CPXM2: variants seen among roughly 807,000 people sequenced by gnomAD.
CPXM2 encodes the protein carboxypeptidase X, M14 family member 2, also known as inactive carboxypeptidase-like protein X2.
CPXM2 carries 66 observed loss-of-function variants against 86.1 expected under a neutral mutation model. The ratio of observed to expected loss-of-function variants is 0.77; its 90% CI spans 0.63 to 0.94. The LOEUF (loss-of-function observed/expected upper bound fraction) is 0.94, where lower values mean the gene tolerates loss of function less well. Ranked by LOEUF, CPXM2 falls within the 40% of genes least tolerant of loss-of-function variation. The pLI, the probability that CPXM2 is intolerant of heterozygous loss-of-function variation, is 0.00. For missense variants in CPXM2, 948 were observed against 1,026.3 expected (o/e 0.92, Z 1.04); for synonymous variants, 388 against 400.2 (o/e 0.97, Z 0.36).
Position 123,757,063 on chromosome 10 carries a change from G to A in CPXM2, c.1917+150C>T, listed in dbSNP as rs1019163671. On this transcript the variant is annotated intron_variant, in intron 12 of 13. Coordinates refer to ENST00000241305, the MANE Select transcript of CPXM2 (RefSeq NM_198148.3). ...TCTCTTCCCTGAGGCCTGCTCAAGT[G>A]TCAACACACAGTGGCTCCTCGCAGC... is the stretch of plus-strand genomic sequence containing the variant. 8.5e-6 allele frequency: 6 copies of A among 701,900 alleles called. No homozygotes were observed. The East Asian group carries it at 1.3e-4, about 15-fold the overall frequency. 43.5% of individuals were successfully genotyped at this position (701,900 alleles called of 1,614,324 possible).
chr10:123,862,716 T>G lies in CPXM2; in HGVS notation c.411A>C (p.Pro137=), dbSNP rs1421664507. ...TTTTTAAGGTTTCCAGACCAAGAGG[T>G]GGGCAACCTGGAAAGGACAAATGCT... ...VAREDVRESC[P]PLGLETLKIT... is the part of the protein sequence containing the mutation. The change falls in exon 3 of 14, where the codon CCA becomes CCC. Residue 137 remains proline, a synonymous_variant. Coordinates refer to ENST00000241305, the MANE Select transcript of CPXM2 (RefSeq NM_198148.3). 6.4e-7 allele frequency: 1 copy of G among 1,554,682 alleles called. No individual in the cohort carries two copies. Among genetic ancestry groups the G allele is most frequent in the South Asian group, 1.1e-5 (1 of 89,356 alleles).
At chr10:123,792,058 C>G (rs1158532475) in intron 6 of CPXM2, among the ~76,000 whole-genome samples, 1 of 152,190 alleles carries the variant, frequency 6.6e-6, no homozygotes, top group Non-Finnish European at 1.5e-5. Context: ...CTTTGGCATT[C>G]TTGTTGTTGG....
intron 6 of CPXM2, among the ~76,000 whole-genome samples, chr10:123,792,362 A>G: frequency 6.6e-6 from 1 of 152,202 alleles, no homozygotes; most frequent in East Asian, 1.9e-4. Context: ...ACTTACAATC[A>G]AAACAAGAGC....
At chr10:123,884,562 C>T (rs753772857) in intron 1 of CPXM2, among the ~76,000 whole-genome samples, 6 of 152,174 alleles carry the variant, frequency 3.9e-5, no homozygotes, top group Non-Finnish European at 7.3e-5. Flanking sequence ...TGGACTGATG[C>T]GCTGGCTTCT....
At chr10:123,874,666 G>T (rs958012687) in intron 2 of CPXM2, among the ~76,000 whole-genome samples, 1 of 152,170 alleles carries the variant, frequency 6.6e-6, no homozygotes, top group African/African-American at 2.4e-5. Context: ...AATAAAGAGG[G>T]TTTTATCACA....
At position 123,745,949 on chromosome 10, in the gene CPXM2, C is replaced by T. The variant is rs537925373; in HGVS notation, c.*815G>A. ...ACCCCACTTCTGGCTCTTTCCAGTC[C>T]TAGCAGGTAAAAGAGGAGATCCAGG... On this transcript the variant is annotated 3_prime_UTR_variant, in exon 14 of 14. Coordinates refer to ENST00000241305, the MANE Select transcript of CPXM2 (RefSeq NM_198148.3). 6.6e-6 allele frequency: 1 copy of T among 152,160 alleles called. No homozygotes were observed. The highest frequency in any genetic ancestry group is 2.4e-5 in the African/African-American group (1 of 41,518). The allele number at this position is 152,160 out of a possible 1,614,324, so 9.4% of individuals were successfully genotyped here. A position where few individuals can be genotyped will look rare whatever the true frequency, so the allele number is the denominator to read the frequency against.
intron 4 of CPXM2, among the ~76,000 whole-genome samples, chr10:123,804,908 G>T (rs1285955327): frequency 6.6e-6 from 1 of 152,054 alleles, no homozygotes; most frequent in Admixed American, 6.5e-5. Flanking sequence ...GAGTCTGGAT[G>T]TTTGATGCTG....
At chr10:123,905,998 C>T (rs1945435756) in intron 2 of CPXM2, among the ~76,000 whole-genome samples, 1 of 152,226 alleles carries the variant, frequency 6.6e-6, no homozygotes, top group Non-Finnish European at 1.5e-5. Flanking sequence ...GTCCACTCTT[C>T]CTTCGGCCAG....
At chr10:123,880,145 T>TGGGGCCCCCCCCCCCCCCCCCCC in intron 2 of CPXM2, 66 bp downstream of exon 2, 2 of 407,578 alleles carry the variant, frequency 4.9e-6, no homozygotes, top group Non-Finnish European at 4.8e-6. Flanking sequence ...CAGGGGCCTG[T>TGGGGCCCCCCCCCCCCCCCCCCC]ACCCACCCAC....
intron 4 of CPXM2, among the ~76,000 whole-genome samples, chr10:123,806,016 T>C (rs1847571231): frequency 6.6e-6 from 1 of 152,240 alleles, no homozygotes; most frequent in Non-Finnish European, 1.5e-5. Flanking sequence ...AAAATATTCC[T>C]ACTACTGTTG....
At chr10:123,811,279 C>T (rs1847689456) in intron 4 of CPXM2, among the ~76,000 whole-genome samples, 1 of 152,016 alleles carries the variant, frequency 6.6e-6, no homozygotes, top group South Asian at 2.1e-4. Flanking sequence ...GGTATATCTC[C>T]TAATGCTATC....
At chr10:123,907,129 AG>A (rs1945449945) in intron 2 of CPXM2, among the ~76,000 whole-genome samples, 1 of 152,220 alleles carries the variant, frequency 6.6e-6, no homozygotes, top group Non-Finnish European at 1.5e-5. Flanking sequence ...GGCTTCCATC[AG>A]CACCGAGTGT....
At chr10:123,797,472 G>A (rs2134065813) in intron 6 of CPXM2, among the ~76,000 whole-genome samples, 1 of 152,290 alleles carries the variant, frequency 6.6e-6, no homozygotes, top group East Asian at 1.9e-4. Flanking sequence ...GGGCTTATGG[G>A]AAATGTTTAC....
intron 2 of CPXM2, among the ~76,000 whole-genome samples, chr10:123,923,167 C>A (rs1434159043): frequency 6.6e-6 from 1 of 151,936 alleles, no homozygotes; most frequent in Non-Finnish European, 1.5e-5. Context: ...CTGCGTTCTT[C>A]AAAAAGTTGA....
intron 4 of CPXM2, among the ~76,000 whole-genome samples, chr10:123,824,273 C>T (rs990975684): frequency 1.3e-5 from 2 of 152,230 alleles, no homozygotes; most frequent in East Asian, 3.9e-4. Context: ...GCTGGCTGTG[C>T]TAATGTTATT....
At chr10:123,899,085 G>A (rs983061773) in intron 2 of CPXM2, among the ~76,000 whole-genome samples, 3 of 152,164 alleles carry the variant, frequency 2.0e-5, no homozygotes, top group African/African-American at 7.2e-5. Flanking sequence ...GAAAAAGAGG[G>A]AAATCTACTT....
intron 2 of CPXM2, among the ~76,000 whole-genome samples, chr10:123,925,115 T>TTA (rs1945612776): frequency 6.6e-6 from 1 of 152,030 alleles, no homozygotes; most frequent in Non-Finnish European, 1.5e-5. Flanking sequence ...AATGATTTAT[T>TTA]TATATATATT....
intron 6 of CPXM2, among the ~76,000 whole-genome samples, chr10:123,794,576 T>TA (rs1847283638): frequency 6.6e-6 from 1 of 152,188 alleles, no homozygotes; most frequent in Non-Finnish European, 1.5e-5. Context: ...CGCTTTTTTT[T>TA]ATTGTTAAAA....
At chr10:123,802,562 A>T (rs1040436046) in intron 4 of CPXM2, among the ~76,000 whole-genome samples, 4 of 152,076 alleles carry the variant, frequency 2.6e-5, no homozygotes, top group Admixed American at 6.5e-5. Flanking sequence ...GCTAATGGGG[A>T]TTTGAGTAGT....
Sources: allele counts gnomAD v4.1 joint callset (sites outside exome capture counted in the v4.1 genomes callset), GRCh38; gene constraint gnomAD v4.1.1; transcripts MANE v1.5; gene names NCBI Gene and HGNC (gene_info 2026-07-23, HGNC 2026-07-21).